Variants in RPS6KC1 observed in about 807,000 individuals in gnomAD.
The protein encoded by RPS6KC1 is inactive ribosomal protein S6 kinase delta-1.
In RPS6KC1, 54 loss-of-function variants were observed where a neutral mutation model predicts 103.8. That is an observed-to-expected ratio of 0.52 (90% CI 0.42 to 0.65). The LOEUF (loss-of-function observed/expected upper bound fraction) is 0.65. Among genes scored for constraint, RPS6KC1 ranks in the 30% least tolerant of loss-of-function variants. The probability of loss-of-function intolerance (pLI) is 0.00; values close to 1 mark genes in which losing one functional copy is unlikely to be tolerated. For missense variants in RPS6KC1, 1,151 were observed against 1,253.8 expected, an observed-to-expected ratio of 0.92 and a Z score of 1.24; for synonymous variants, 439 against 438.7, an observed-to-expected ratio of 1.00 and a Z score of -0.01.
At chr1:213,100,081 A>G (rs1465839525) in intron 3 of RPS6KC1, among the ~76,000 whole-genome samples, 2 of 152,178 alleles carry the variant, frequency 1.3e-5, no homozygotes, top group African/African-American at 2.4e-5. Context: ...TCCCATCAAC[A>G]ATGTATGAAA....
the RPS6KC1 span, among the ~76,000 whole-genome samples, chr1:213,367,567 T>A: frequency 6.6e-6 from 1 of 152,242 alleles, no homozygotes; most frequent in Admixed American, 6.5e-5. Context: ...TCAGTGCTAC[T>A]CAATTATTAC....
chr1:213,614,163 T>G, the RPS6KC1 span, among the ~76,000 whole-genome samples: 1 of 152,084 alleles, frequency 6.6e-6, no homozygotes, highest in African/African-American at 2.4e-5. Flanking sequence ...CCCAGAGAGG[T>G]GAAGTGGCTC....
the RPS6KC1 span, among the ~76,000 whole-genome samples, chr1:213,593,196 CAGG>C: frequency 4.0e-5 from 6 of 149,854 alleles, no homozygotes; most frequent in East Asian, 1.2e-3. Context: ...AGGGCCCACT[CAGG>C]AGAGCTTTAC....
the RPS6KC1 span, among the ~76,000 whole-genome samples, chr1:213,541,936 G>C: frequency 6.6e-6 from 1 of 152,178 alleles, no homozygotes; most frequent in African/African-American, 2.4e-5. Context: ...GCTTCGTGGA[G>C]GAGTTCCTGA....
the RPS6KC1 span, among the ~76,000 whole-genome samples, chr1:213,662,567 T>C: frequency 3.3e-5 from 5 of 151,932 alleles, no homozygotes; most frequent in African/African-American, 9.7e-5. Flanking sequence ...CGTGAGCCAC[T>C]GCACCCGGCC....
At chr1:213,053,006 G>C (rs2077071546) in intron 1 of RPS6KC1, among the ~76,000 whole-genome samples, 2 of 152,186 alleles carry the variant, frequency 1.3e-5, no homozygotes. Flanking sequence ...ATTGCTGTTC[G>C]GAGAATAGAG....
intron 6 of RPS6KC1, among the ~76,000 whole-genome samples, chr1:213,146,204 G>A (rs556735924): frequency 7.9e-5 from 12 of 151,084 alleles, no homozygotes; most frequent in South Asian, 6.3e-4. Flanking sequence ...CATCCATGGC[G>A]TCGCAAATGA....
chr1:213,071,728 T>G (rs1219698798), intron 2 of RPS6KC1, among the ~76,000 whole-genome samples: 1 of 152,168 alleles, frequency 6.6e-6, no homozygotes, highest in Admixed American at 6.5e-5. Flanking sequence ...AACAGTAAAT[T>G]ATGGGTCTCT....
chr1:213,734,082 A>G, the RPS6KC1 span, among the ~76,000 whole-genome samples: 31 of 152,364 alleles, frequency 2.0e-4, no homozygotes, highest in African/African-American at 7.5e-4. Context: ...TCAGCAAGTG[A>G]CAAAAGTGAT....
chr1:213,189,961 C>T (rs1261625995), intron 8 of RPS6KC1, among the ~76,000 whole-genome samples: 2 of 152,128 alleles, frequency 1.3e-5, no homozygotes, highest in East Asian at 3.8e-4. Flanking sequence ...AGCTTCTATC[C>T]ATGTTGTTGC....
the RPS6KC1 span, among the ~76,000 whole-genome samples, chr1:213,405,430 A>C: frequency 2.0e-5 from 3 of 152,230 alleles, no homozygotes; most frequent in Middle Eastern, 3.4e-3. Context: ...CCTGTTTAAC[A>C]TTTTATTTGC....
At chr1:213,063,193 T>A (rs1171903661) in intron 1 of RPS6KC1, among the ~76,000 whole-genome samples, 2 of 152,258 alleles carry the variant, frequency 1.3e-5, no homozygotes, top group Non-Finnish European at 2.9e-5. Context: ...GGTTCTTCAA[T>A]TTCTGTATTT....
chr1:213,121,297 G>C (rs1379124975), intron 5 of RPS6KC1, among the ~76,000 whole-genome samples: 1 of 152,022 alleles, frequency 6.6e-6, no homozygotes, highest in Non-Finnish European at 1.5e-5. Flanking sequence ...TTAAGGTTTT[G>C]TAAAAAATAA....
intron 5 of RPS6KC1, among the ~76,000 whole-genome samples, chr1:213,129,222 C>T (rs1435106393): frequency 6.6e-6 from 1 of 152,186 alleles, no homozygotes. Flanking sequence ...GTACAGGCAA[C>T]AGCTTTCTGT....
chr1:213,228,665 C>T (rs1351636015), intron 8 of RPS6KC1, among the ~76,000 whole-genome samples: 1 of 152,058 alleles, frequency 6.6e-6, no homozygotes, highest in Non-Finnish European at 1.5e-5. Context: ...GTTGAGGCTG[C>T]AGTGAGCTAA....
At chr1:213,071,566 A>C (rs58435134) in intron 2 of RPS6KC1, among the ~76,000 whole-genome samples, 1 of 152,178 alleles carries the variant, frequency 6.6e-6, no homozygotes, top group Admixed American at 6.5e-5. Flanking sequence ...AATTTAATGA[A>C]TTATGGTGCT....
chr1:213,350,806 A>G, the RPS6KC1 span, among the ~76,000 whole-genome samples: 1 of 152,194 alleles, frequency 6.6e-6, no homozygotes, highest in Non-Finnish European at 1.5e-5. Flanking sequence ...TTCTTAGAAC[A>G]CAAACATATG....
intron 1 of RPS6KC1, among the ~76,000 whole-genome samples, chr1:213,064,525 G>A (rs1479589487): frequency 6.6e-6 from 1 of 151,022 alleles, no homozygotes; most frequent in Non-Finnish European, 1.5e-5. Context: ...ATGCCACAAA[G>A]CCTAGCTAAT....
Position 213,203,863 on chromosome 1 carries a change from G to T in RPS6KC1, c.1045-26634G>T, listed in dbSNP as rs1034030070. ...ATTAACATATAAATTATAAAGACTT[G>T]GTAGCTTTTACCTGTTAATTAGCGG... On this transcript the variant is annotated intron_variant, in intron 8 of 14. Coordinates refer to ENST00000366960, the MANE Select transcript of RPS6KC1 (RefSeq NM_012424.6). Among the ~76,000 whole-genome samples the T allele has an allele frequency of 7.9e-5, 12 of 152,186 alleles. No homozygotes were observed. In the South Asian group the frequency reaches 1.9e-3, roughly 24 times the overall value.
Sources: gnomAD v4.1 joint callset for allele counts (sites outside exome capture counted in the v4.1 genomes callset) on GRCh38, gnomAD v4.1.1 for gene constraint, MANE v1.5 for transcripts, NCBI Gene and HGNC (gene_info 2026-07-23, HGNC 2026-07-21) for gene names.